The following QSOX1 variants were observed in gnomAD, a reference collection of about 807,000 sequenced individuals.
QSOX1 encodes the protein sulfhydryl oxidase 1.
A neutral mutation model predicts 76.1 loss-of-function variants in QSOX1; 40 were observed. The ratio of observed to expected loss-of-function variants is 0.53; its 90% CI spans 0.41 to 0.68. The LOEUF is 0.68. Ranked by LOEUF, QSOX1 falls within the 30% of genes least tolerant of loss-of-function variation. QSOX1 has a pLI of 0.00. For missense variants in QSOX1, 931 were observed against 974.3 expected (o/e 0.96, Z 0.59); for synonymous variants, 392 against 413.1 (o/e 0.95, Z 0.62).
chr1:180,166,651 A>AAAC, intron 2 of QSOX1, 60 bp downstream of exon 2: 3 of 1,511,516 alleles, frequency 2.0e-6, no homozygotes, highest in Non-Finnish European at 2.8e-6. Context: ...TTTATAAGGG[A>AAAC]AAGGGACCAT....
chr1:180,178,333 G>A lies in QSOX1; in HGVS notation c.516-461G>A, dbSNP rs181503066. ...CAGCTCACTGCAACCTCCACTCCCC[G>A]GGTTCAAGTGATTCTCCTGCCTCAG... On this transcript the variant is annotated intron_variant, in intron 4 of 11. Coordinates refer to ENST00000367602, the MANE Select transcript of QSOX1 (RefSeq NM_002826.5). Among the ~76,000 whole-genome samples the A allele has an allele frequency of 2.3e-3, 350 of 152,290 alleles. 2 individuals carry two copies. Among genetic ancestry groups the A allele is most frequent in the Admixed American group, 4.8e-3 (73 of 15,298 alleles).
At chr1:180,182,006 T>C (rs995984632) in intron 5 of QSOX1, among the ~76,000 whole-genome samples, 168 bp from the exon 6 acceptor site, 5 of 152,232 alleles carry the variant, frequency 3.3e-5, no homozygotes, top group African/African-American at 1.2e-4. Context: ...TAGCTGCTGT[T>C]GATGGCGAGT....
intron 4 of QSOX1, among the ~76,000 whole-genome samples, chr1:180,177,104 T>C (rs1172648952): frequency 6.6e-6 from 1 of 152,226 alleles, no homozygotes; most frequent in Non-Finnish European, 1.5e-5. Context: ...GCCTGTGCCC[T>C]GGTCCTTGCT....
At position 180,197,333 on chromosome 1, in the gene QSOX1, C is replaced by T. The variant is rs1483184410; in HGVS notation, c.*296C>T. Reference sequence around the variant, plus strand: ...TTAGCACCACATTCCTGTTTTTCAGCTTATTTGAAGTCCTGCCTCATTCTC... The same window carrying T: ...TTAGCACCACATTCCTGTTTTTCAGTTTATTTGAAGTCCTGCCTCATTCTC... On this transcript the variant is annotated 3_prime_UTR_variant, in exon 12 of 12. Transcript: ENST00000367602. The T allele has an allele frequency of 1.9e-6, 3 of 1,613,922 alleles. No homozygotes were observed. Among genetic ancestry groups the T allele is most frequent in the Admixed American group, 1.7e-5 (1 of 59,998 alleles).
intron 4 of QSOX1, 134 bp downstream of exon 4, chr1:180,176,167 C>T: frequency 1.4e-6 from 1 of 702,082 alleles, no homozygotes; most frequent in Non-Finnish European, 2.4e-6. Flanking sequence ...GGCTCACACA[C>T]CAGTCTGCTG....
At chr1:180,170,339 G>C (rs1023381210) in intron 2 of QSOX1, among the ~76,000 whole-genome samples, 2 of 152,242 alleles carry the variant, frequency 1.3e-5, no homozygotes, top group African/African-American at 4.8e-5. Context: ...AATCCACGGT[G>C]TTGGAAGTGG....
intron 4 of QSOX1, among the ~76,000 whole-genome samples, 196 bp downstream of exon 4, chr1:180,176,229 C>T (rs1434838824): frequency 2.0e-5 from 3 of 152,200 alleles, no homozygotes; most frequent in African/African-American, 4.8e-5. Flanking sequence ...GGCTTCCTAT[C>T]GCACAGGTCC....
intron 2 of QSOX1, among the ~76,000 whole-genome samples, chr1:180,168,932 GC>G (rs1275480304): frequency 6.6e-6 from 1 of 152,206 alleles, no homozygotes; most frequent in Non-Finnish European, 1.5e-5. Context: ...AAAAGCGAGG[GC>G]CCATGCGAAG....
chr1:180,182,318 G>T lies in QSOX1; in HGVS notation c.751G>T (p.Val251Leu), dbSNP rs769299023. Reference protein sequence around the residue: ...FRNGSVSRVPVLMESRSFYTA... With the variant: ...FRNGSVSRVPLLMESRSFYTA... ...GAATGGCTCTGTCTCCCGAGTCCCCGTGTGAGTATCCTGTCTCCTGGCGTC... is the reference window on the plus strand; with the variant it reads ...GAATGGCTCTGTCTCCCGAGTCCCCTTGTGAGTATCCTGTCTCCTGGCGTC... Residue 251 changes from valine (V) to leucine (L), a missense_variant and splice_region_variant, in exon 6 of 12, where the codon GTG (valine) becomes TTG (leucine). By Grantham distance (32) the Val-to-Leu change is conservative (BLOSUM62 1). Transcript: ENST00000367602. 2.5e-6 allele frequency: 4 copies of T among 1,614,146 alleles called. No homozygotes were observed. The highest frequency in any genetic ancestry group is 1.7e-5 in the Admixed American group (1 of 60,024).
chr1:180,155,859 A>G (rs1662366050), intron 1 of QSOX1, among the ~76,000 whole-genome samples: 1 of 151,976 alleles, frequency 6.6e-6, no homozygotes, highest in Non-Finnish European at 1.5e-5. Context: ...TTTTAAACCC[A>G]TGCACCCAGA....
chr1:180,185,808 A>G (rs1462066110), intron 7 of QSOX1, among the ~76,000 whole-genome samples: 1 of 152,220 alleles, frequency 6.6e-6, no homozygotes, highest in Non-Finnish European at 1.5e-5. Flanking sequence ...TGATCCTCTC[A>G]GCAACTTACC....
chr1:180,179,856 A>G (rs943376207), intron 5 of QSOX1, among the ~76,000 whole-genome samples: 2 of 152,340 alleles, frequency 1.3e-5, no homozygotes, highest in Admixed American at 1.3e-4. Context: ...GGGGAGGGGA[A>G]AGACAGCTTG....
At chr1:180,180,817 G>C (rs1283800709) in intron 5 of QSOX1, among the ~76,000 whole-genome samples, 1 of 152,146 alleles carries the variant, frequency 6.6e-6, no homozygotes, top group African/African-American at 2.4e-5. Flanking sequence ...GCCCGGCCTG[G>C]GAGCTTTATT....
intron 4 of QSOX1, among the ~76,000 whole-genome samples, chr1:180,177,810 T>A (rs1156890788): frequency 6.6e-6 from 1 of 152,196 alleles, no homozygotes; most frequent in Admixed American, 6.5e-5. Flanking sequence ...GTCTAGCATA[T>A]CCATTTGGAC....
rs1300829125 is a variant in QSOX1, at chr1:180,198,925, A to C, written c.*1888A>C. ...TTCACCCCCTAAGGGCTCCTTGCCCAATGCCAAGTGCTGGGGATTTCTGTC... is the reference window on the plus strand; with the variant it reads ...TTCACCCCCTAAGGGCTCCTTGCCCCATGCCAAGTGCTGGGGATTTCTGTC... On this transcript the variant is annotated 3_prime_UTR_variant, in exon 12 of 12. Transcript: ENST00000367602. 6.2e-6 allele frequency: 1 copy of C among 160,204 alleles called. No homozygotes were observed. The highest frequency in any genetic ancestry group is 1.4e-5 in the Non-Finnish European group (1 of 72,298). The allele number at this position is 160,204 out of a possible 1,614,324, so 9.9% of individuals were successfully genotyped here. A position where few individuals can be genotyped will look rare whatever the true frequency, so the allele number is the denominator to read the frequency against.
chr1:180,189,618 A>T lies in QSOX1; in HGVS notation c.1084A>T (p.Lys362Ter). Residue 362 changes from lysine to a stop codon, truncating the protein, a stop_gained, in exon 9 of 12, where the codon AAG (lysine) becomes TAG (stop). Transcript: ENST00000367602. LOFTEE classifies it high-confidence loss of function. Reference sequence around the variant, plus strand: ...CGTGAATGAATGGCTCAAGAGGCAGAAGAGAAATAAAATTCCCTACAGTTT... The same window carrying T: ...CGTGAATGAATGGCTCAAGAGGCAGTAGAGAAATAAAATTCCCTACAGTTT... The part of the protein sequence containing the change: ...HSVNEWLKRQ[K>*]RNKIPYSFFK... The T allele has an allele frequency of 6.2e-7, 1 of 1,613,674 alleles. No homozygotes were observed. Among genetic ancestry groups the T allele is most frequent in the Non-Finnish European group, 8.5e-7 (1 of 1,179,682 alleles).
intron 10 of QSOX1, among the ~76,000 whole-genome samples, chr1:180,192,537 G>A (rs1558193277): frequency 6.6e-6 from 1 of 152,166 alleles, no homozygotes; most frequent in East Asian, 1.9e-4. Context: ...TCAGATTTGG[G>A]GATATGTTAA....
At chr1:180,164,999 T>C (rs10157671) in intron 1 of QSOX1, among the ~76,000 whole-genome samples, 120,983 of 152,058 alleles carry the variant, frequency 0.8, 50,370 homozygotes, top group Non-Finnish European at 0.91. Context: ...TCACTCGTTA[T>C]CAAGGGGGCA....
Position 180,202,416 on chromosome 1 carries a change from C to G in QSOX1, c.*5379C>G, listed in dbSNP as rs190135357. The G allele has an allele frequency of 1.3e-5, 2 of 152,174 alleles. No individual in the cohort carries two copies. The highest frequency in any genetic ancestry group is 4.8e-5 in the African/African-American group (2 of 41,422). 9.4% of individuals were successfully genotyped at this position (152,174 alleles called of 1,614,324 possible). On this transcript the variant is annotated 3_prime_UTR_variant, in exon 12 of 12. Coordinates refer to ENST00000367602, the MANE Select transcript of QSOX1 (RefSeq NM_002826.5). Reference sequence around the variant, plus strand: ...GATGCCTTTCACCTGTGTCTACCTGCGAACCTCTGCCCACCACGGAAGAGC... The same window carrying G: ...GATGCCTTTCACCTGTGTCTACCTGGGAACCTCTGCCCACCACGGAAGAGC...
Sources: allele counts gnomAD v4.1 joint callset (sites outside exome capture counted in the v4.1 genomes callset), GRCh38; gene constraint gnomAD v4.1.1; transcripts MANE v1.5; gene names NCBI Gene and HGNC (gene_info 2026-07-23, HGNC 2026-07-21).